PXDNL: variants seen among roughly 807,000 people sequenced by gnomAD.
PXDNL encodes the protein probable oxidoreductase PXDNL.
PXDNL carries 145 observed loss-of-function variants against 150.8 expected under a neutral mutation model. The ratio of observed to expected loss-of-function variants is 0.96; its 90% CI spans 0.84 to 1.10. The LOEUF (loss-of-function observed/expected upper bound fraction) is 1.10, where lower values mean the gene tolerates loss of function less well. PXDNL is among the 50% of genes least tolerant of loss of function. The pLI, the probability that PXDNL is intolerant of heterozygous loss-of-function variation, is 0.00. For missense variants in PXDNL, 2,087 were observed against 1,873.9 expected (o/e 1.11, Z -2.10); for synonymous variants, 757 against 725.7 (o/e 1.04, Z -0.69).
At chr8:51,401,989 A>T (rs1233154293) in intron 17 of PXDNL, among the ~76,000 whole-genome samples, 1 of 152,220 alleles carries the variant, frequency 6.6e-6, no homozygotes, top group African/African-American at 2.4e-5. Context: ...ATGCAGAAGA[A>T]GGAAAAGCCA....
intron 2 of PXDNL, among the ~76,000 whole-genome samples, chr8:51,649,567 A>C (rs897216774): frequency 9.9e-5 from 15 of 152,158 alleles, no homozygotes; most frequent in African/African-American, 3.4e-4. Flanking sequence ...CACCTACCAC[A>C]ACACTTCACA....
intron 19 of PXDNL, among the ~76,000 whole-genome samples, chr8:51,354,699 A>G (rs534915545): frequency 2.0e-5 from 3 of 152,224 alleles, no homozygotes; most frequent in African/African-American, 7.2e-5. Flanking sequence ...TAAATTAAGC[A>G]ACTTGGTGAA....
At chr8:51,613,488 G>GC (rs1185567379) in intron 2 of PXDNL, among the ~76,000 whole-genome samples, 4 of 88,082 alleles carry the variant, frequency 4.5e-5, no homozygotes, top group African/African-American at 1.2e-4. Flanking sequence ...AGGGGGCGGG[G>GC]GGGGGGCAGG....
chr8:51,641,829 C>T (rs1814763633), intron 2 of PXDNL, among the ~76,000 whole-genome samples: 2 of 152,148 alleles, frequency 1.3e-5, no homozygotes, highest in East Asian at 1.9e-4. Context: ...CTAGAAATAC[C>T]ATTTGACCCA....
At chr8:51,711,731 C>T (rs1816502808) in intron 1 of PXDNL, among the ~76,000 whole-genome samples, 3 of 152,210 alleles carry the variant, frequency 2.0e-5, no homozygotes, top group Admixed American at 6.5e-5. Context: ...CTGGCCTAGA[C>T]CACTGTTTCC....
intron 2 of PXDNL, among the ~76,000 whole-genome samples, chr8:51,594,871 A>C (rs1813530525): frequency 6.6e-6 from 1 of 152,188 alleles, no homozygotes. Context: ...TTCAAAATGT[A>C]TGAGTGGGTC....
intron 1 of PXDNL, among the ~76,000 whole-genome samples, chr8:51,677,751 T>C (rs1815655327): frequency 6.6e-6 from 1 of 152,204 alleles, no homozygotes; most frequent in South Asian, 2.1e-4. Context: ...TAAAATCTTT[T>C]CCCAAAATAA....
Position 51,374,677 on chromosome 8 carries a change from G to C in PXDNL, c.3612C>G (p.Asp1204Glu). The C allele has an allele frequency of 6.2e-7, 1 of 1,613,866 alleles. No homozygotes were observed. Among genetic ancestry groups the C allele is most frequent in the Non-Finnish European group, 8.5e-7 (1 of 1,179,854 alleles). Residue 1204 changes from aspartate (D) to glutamate (E), a missense_variant, in exon 18 of 23, where the codon GAC becomes GAG. By Grantham distance (45) the Asp-to-Glu change is conservative. Coordinates refer to ENST00000356297, the MANE Select transcript of PXDNL (RefSeq NM_144651.5). ...GTCCCACTCTTGTACCAGGAATCAG[G>C]TCTTCAACCATAAGGGCGGGCCAGA... The part of the protein sequence containing the change: ...IDLWPALMVE[D>E]LIPGTRVGPT...
chr8:51,655,559 T>C (rs1400819712), intron 1 of PXDNL, among the ~76,000 whole-genome samples: 2 of 152,108 alleles, frequency 1.3e-5, no homozygotes, highest in Non-Finnish European at 2.9e-5. Context: ...CCTCTTTCAG[T>C]TGGAGAACGA....
chr8:51,769,789 C>G (rs1332853408), intron 1 of PXDNL, among the ~76,000 whole-genome samples: 1 of 152,116 alleles, frequency 6.6e-6, no homozygotes, highest in East Asian at 1.9e-4. Flanking sequence ...AACTAAACTC[C>G]CACCATCTTT....
intron 1 of PXDNL, among the ~76,000 whole-genome samples, chr8:51,730,300 A>G (rs1394853476): frequency 1.3e-5 from 2 of 152,244 alleles, no homozygotes; most frequent in Non-Finnish European, 2.9e-5. Flanking sequence ...AAGTGTCAAC[A>G]TAATCAAATA....
At chr8:51,641,625 T>A (rs1205876814) in intron 2 of PXDNL, among the ~76,000 whole-genome samples, 3 of 151,074 alleles carry the variant, frequency 2.0e-5, no homozygotes, top group South Asian at 2.1e-4. Flanking sequence ...TCACTGGCCA[T>A]CAGAGAAATG....
At position 51,372,018 on chromosome 8, in the gene PXDNL, G is replaced by A. The variant is rs772836153; in HGVS notation, c.3756C>T (p.Ser1252=). 6.2e-6 allele frequency: 10 copies of A among 1,612,162 alleles called. No homozygotes were observed. The highest frequency in any genetic ancestry group is 8.5e-6 in the Non-Finnish European group (10 of 1,179,166). Residue 1252 remains serine (S), a synonymous_variant, in exon 19 of 23, where the codon TCC becomes TCT. Transcript: ENST00000356297. Reference sequence around the variant, plus strand: ...CATTGTCACAAAGCACCCGGCTCAGGGACGCCTGCTTCAGCTGAGTGAGTT... The same window carrying A: ...CATTGTCACAAAGCACCCGGCTCAGAGACGCCTGCTTCAGCTGAGTGAGTT... ...PAQLTQLKQA[S]LSRVLCDNGD...
rs186493133 is a variant in PXDNL at position 51,549,680 on chromosome 8, G to A, written c.380+7160C>T. On this transcript the variant is annotated intron_variant, in intron 4 of 22. Coordinates refer to ENST00000356297, the MANE Select transcript of PXDNL (RefSeq NM_144651.5). ...TCAAAACCTCTGGGATAGAGAAAAAGCAGTTCTAAGAGGAAAGTTCATAGC... is the reference window on the plus strand; with the variant it reads ...TCAAAACCTCTGGGATAGAGAAAAAACAGTTCTAAGAGGAAAGTTCATAGC... Among the ~76,000 whole-genome samples the A allele has an allele frequency of 6.2e-3, 939 of 152,124 alleles. 4 individuals are homozygous for A. Among genetic ancestry groups the A allele is most frequent in the African/African-American group, 0.021 (891 of 41,528 alleles).
intron 1 of PXDNL, among the ~76,000 whole-genome samples, chr8:51,699,699 G>T (rs141816521): frequency 2.4e-3 from 369 of 152,282 alleles, no homozygotes; most frequent in African/African-American, 8.5e-3. Context: ...AATTTAAGGT[G>T]AGAGACATGC....
chr8:51,600,194 T>A (rs1417975960), intron 2 of PXDNL, among the ~76,000 whole-genome samples: 1 of 143,108 alleles, frequency 7.0e-6, no homozygotes, highest in Non-Finnish European at 1.5e-5. Flanking sequence ...ATAAATTATA[T>A]CGTTTAGATA....
intron 2 of PXDNL, among the ~76,000 whole-genome samples, chr8:51,604,020 A>C (rs1483939552): frequency 2.0e-5 from 3 of 152,184 alleles, no homozygotes; most frequent in African/African-American, 7.2e-5. Flanking sequence ...TAATACTGTC[A>C]ACATATTATA....
intron 1 of PXDNL, among the ~76,000 whole-genome samples, chr8:51,717,313 AG>A (rs1816633854): frequency 6.6e-6 from 1 of 152,228 alleles, no homozygotes; most frequent in South Asian, 2.1e-4. Flanking sequence ...ATGTGATCTC[AG>A]GGAGCAGGTG....
intron 1 of PXDNL, among the ~76,000 whole-genome samples, chr8:51,713,203 TATA>T (rs1816535018): frequency 6.6e-6 from 1 of 152,254 alleles, no homozygotes; most frequent in Non-Finnish European, 1.5e-5. Flanking sequence ...AGGAAGTATT[TATA>T]ATATCAGCTT....
Sources: gnomAD v4.1 joint callset for allele counts (sites outside exome capture counted in the v4.1 genomes callset) on GRCh38, gnomAD v4.1.1 for gene constraint, MANE v1.5 for transcripts, NCBI Gene and HGNC (gene_info 2026-07-23, HGNC 2026-07-21) for gene names.